DIP2C: variants seen among roughly 807,000 people sequenced by gnomAD.
DIP2C encodes the protein disco-interacting protein 2 homolog C.
A neutral mutation model predicts 192.4 loss-of-function variants in DIP2C; 33 were observed. That is an observed-to-expected ratio of 0.17 (90% CI 0.13 to 0.23). DIP2C has a LOEUF of 0.23. Among genes scored for constraint, DIP2C ranks in the 10% least tolerant of loss-of-function variants. DIP2C has a pLI of 1.00. For synonymous variants in DIP2C, 979 were observed against 864.1 expected (o/e 1.13, Z -2.33); for missense variants, 1,537 against 2,110.1 (o/e 0.73, Z 5.32).
At chr10:315,267 T>A (rs543894966) in intron 31 of DIP2C, among the ~76,000 whole-genome samples, 140 of 152,392 alleles carry the variant, frequency 9.2e-4, no homozygotes, top group African/African-American at 3.2e-3. Context: ...AATATTTACA[T>A]GTCTACATAT....
At chr10:529,099 G>A (rs1847229025) in intron 1 of DIP2C, among the ~76,000 whole-genome samples, 1 of 152,156 alleles carries the variant, frequency 6.6e-6, no homozygotes, top group African/African-American at 2.4e-5. Flanking sequence ...AGGCTCCCAG[G>A]AGTGGGGCAG....
intron 31 of DIP2C, 94 bp downstream of exon 31, chr10:326,912 C>T (rs149355400): frequency 7.0e-7 from 1 of 1,435,402 alleles, no homozygotes; most frequent in East Asian, 2.3e-5. Context: ...TGTAGCTAAG[C>T]ATCAGCCGAG....
intron 9 of DIP2C, among the ~76,000 whole-genome samples, chr10:399,766 C>A (rs563619635): frequency 2.3e-4 from 35 of 152,170 alleles, no homozygotes; most frequent in Non-Finnish European, 4.6e-4. Context: ...TGGGCTGCTT[C>A]ACACATGGCG....
chr10:408,213 G>C (rs187726054), intron 9 of DIP2C, among the ~76,000 whole-genome samples: 31 of 150,444 alleles, frequency 2.1e-4, no homozygotes, highest in African/African-American at 7.6e-4. Flanking sequence ...TCCTTTCCCC[G>C]TTGAGTATCT....
rs59721670 is a variant in DIP2C, at chr10:565,354, T to TAAAAAAAAAAAAAAAAAAAAAAAAAA, written c.86-78825_86-78824insTTTTTTTTTTTTTTTTTTTTTTTTTT. 2.7e-4 allele frequency among the ~76,000 whole-genome samples: 31 copies of TAAAAAAAAAAAAAAAAAAAAAAAAAA among 114,104 alleles called. 2 individuals carry two copies. The highest frequency in any genetic ancestry group is 1.0e-3 in the African/African-American group (28 of 26,676). The allele number at this position is 114,104 out of a possible 152,430, so 74.9% of individuals were successfully genotyped here. A position where few individuals can be genotyped will look rare whatever the true frequency, so the allele number is the denominator to read the frequency against. On this transcript the variant is annotated intron_variant, in intron 1 of 36. Transcript: ENST00000280886. The stretch of plus-strand genomic sequence containing the variant: ...AAAATATGAAACAGTACCTGCATTC[T>TAAAAAAAAAAAAAAAAAAAAAAAAAA]AAAAAAAAAAAAAAAAAGACCTAGA...
At chr10:445,548 C>T (rs1243535582) in intron 3 of DIP2C, among the ~76,000 whole-genome samples, 3 of 150,956 alleles carry the variant, frequency 2.0e-5, no homozygotes, top group African/African-American at 7.3e-5. Context: ...AAGAGTCTCA[C>T]AGTCCACTGG....
At chr10:340,650 T>G (rs1958097613) in intron 29 of DIP2C, 1 of 416,226 alleles carries the variant, frequency 2.4e-6, no homozygotes, top group South Asian at 1.7e-5. Flanking sequence ...CCAAGAAACA[T>G]CCATAAGTTT....
At chr10:451,983 ACC>A in intron 3 of DIP2C, among the ~76,000 whole-genome samples, 2 of 152,048 alleles carry the variant, frequency 1.3e-5, no homozygotes, top group African/African-American at 4.8e-5. Flanking sequence ...AGACCAGCAC[ACC>A]CAGCTCAGGG....
In DIP2C at chr10:597,243, C is replaced by T. The variant is rs138477626; in HGVS notation, c.85+92251G>A. ...AGACCTGGGTGGGATCTGCACCCTC[C>T]GCTTCTCAAGCCTTTGAGCCACACC... is the stretch of plus-strand genomic sequence containing the variant. On this transcript the variant is annotated intron_variant, in intron 1 of 36. Coordinates refer to ENST00000280886, the MANE Select transcript of DIP2C (RefSeq NM_014974.3). 1.5e-3 allele frequency among the ~76,000 whole-genome samples: 235 copies of T among 152,288 alleles called. 1 individual carries two copies. The highest frequency in any genetic ancestry group is 5.1e-3 in the African/African-American group (213 of 41,556).
rs965493363 is a variant in DIP2C at position 532,562 on chromosome 10, A to T, written c.86-46032T>A. Among the ~76,000 whole-genome samples the T allele has an allele frequency of 5.4e-4, 70 of 130,244 alleles. 2 individuals carry two copies. Among genetic ancestry groups the T allele is most frequent in the East Asian group, 4.5e-4 (2 of 4,410 alleles). The allele number at this position is 130,244 out of a possible 152,430, so 85.4% of individuals were successfully genotyped here. A position where few individuals can be genotyped will look rare whatever the true frequency, so the allele number is the denominator to read the frequency against. On this transcript the variant is annotated intron_variant, in intron 1 of 36. Transcript: ENST00000280886. ...ATGGGTGTGAGAGAGTATGGGTGAG[A>T]GAGAGAGTATGGGTGTGAGAGAGAG...
At chr10:578,353 G>A (rs1355435324) in intron 1 of DIP2C, among the ~76,000 whole-genome samples, 6 of 152,196 alleles carry the variant, frequency 3.9e-5, no homozygotes, top group African/African-American at 7.2e-5. Context: ...CCTGATGAGT[G>A]GCGACTTCTC....
At chr10:422,571 G>A (rs532261424) in intron 5 of DIP2C, among the ~76,000 whole-genome samples, 1 of 152,326 alleles carries the variant, frequency 6.6e-6, no homozygotes, top group Non-Finnish European at 1.5e-5. Context: ...TAAGTGAGAA[G>A]AAAAGATGGG....
rs1844815083 is a variant in DIP2C at position 496,138 on chromosome 10, C to T, written c.86-9608G>A. On this transcript the variant is annotated intron_variant, in intron 1 of 36. Coordinates refer to ENST00000280886, the MANE Select transcript of DIP2C (RefSeq NM_014974.3). ...AAATCTCTACATTACTCTCAATACC[C>T]CAAACAACGTTGAGTGCTGAGTGCA... 2.9e-5 allele frequency among the ~76,000 whole-genome samples: 4 copies of T among 138,640 alleles called. No homozygotes were observed. In the South Asian group the frequency reaches 8.7e-4, roughly 30 times the overall value. The allele number at this position is 138,640 out of a possible 152,430, so 91.0% of individuals were successfully genotyped here. A position where few individuals can be genotyped will look rare whatever the true frequency, so the allele number is the denominator to read the frequency against.
intron 1 of DIP2C, among the ~76,000 whole-genome samples, chr10:507,792 G>A (rs1360371630): frequency 1.3e-5 from 2 of 152,160 alleles, no homozygotes; most frequent in African/African-American, 4.8e-5. Flanking sequence ...CACCCCATCT[G>A]TGAAAACCTG....
At chr10:393,782 AAAAAAAAAAAAAAAG>A (rs1312363839) in intron 10 of DIP2C, among the ~76,000 whole-genome samples, 2 of 146,012 alleles carry the variant, frequency 1.4e-5, no homozygotes, top group South Asian at 2.1e-4. Flanking sequence ...CCGTCTCAAA[AAAAAAAAAAAAAAAG>A]AAAAAAAAAG....
rs375562724 is a variant in DIP2C, at chr10:400,157, G to A, written c.1150-938C>T. Among the ~76,000 whole-genome samples the A allele has an allele frequency of 9.9e-4, 149 of 150,632 alleles. 1 individual carries two copies. In the Middle Eastern group the frequency reaches 0.028, roughly 28 times the overall value. ...ACTCCTGGGCTCCAGTGATCCTCCT[G>A]CCTTACAGGTGAGCACTACTGCATG... On this transcript the variant is annotated intron_variant, in intron 9 of 36. Coordinates refer to ENST00000280886, the MANE Select transcript of DIP2C (RefSeq NM_014974.3).
chr10:547,843 C>CT (rs1205757762), intron 1 of DIP2C, among the ~76,000 whole-genome samples: 1 of 152,138 alleles, frequency 6.6e-6, no homozygotes, highest in African/African-American at 2.4e-5. Context: ...CACCCCTGCC[C>CT]TCTCCTGCAT....
intron 1 of DIP2C, among the ~76,000 whole-genome samples, chr10:528,221 C>G (rs1238130864): frequency 1.3e-5 from 2 of 152,184 alleles, no homozygotes; most frequent in Non-Finnish European, 2.9e-5. Context: ...TAGTCAGGAG[C>G]CATTCATGCC....
At chr10:329,627 G>A in intron 29 of DIP2C, 26 bp from the exon 30 acceptor site, 3 of 1,607,100 alleles carry the variant, frequency 1.9e-6, no homozygotes, top group East Asian at 2.2e-5. Flanking sequence ...AGGCTGTCAG[G>A]GCGGGAGCTC....
Sources: gnomAD v4.1 joint callset for allele counts (sites outside exome capture counted in the v4.1 genomes callset) on GRCh38, gnomAD v4.1.1 for gene constraint, MANE v1.5 for transcripts, NCBI Gene and HGNC (gene_info 2026-07-23, HGNC 2026-07-21) for gene names.